Variants in CYP3A43 observed in about 807,000 individuals in gnomAD.
The protein encoded by CYP3A43 is cytochrome P450 3A43.
Under a neutral mutation model 58.0 loss-of-function variants are expected in CYP3A43, and 45 were observed. That is an observed-to-expected ratio of 0.78 (90% CI 0.61 to 0.99). The LOEUF (loss-of-function observed/expected upper bound fraction) is 0.99. Ranked by LOEUF, CYP3A43 falls within the 50% of genes least tolerant of loss-of-function variation. CYP3A43 has a pLI of 0.00. For missense variants in CYP3A43, 593 were observed against 591.9 expected, an observed-to-expected ratio of 1.00 and a Z score of -0.02; for synonymous variants, 191 against 201.4, an observed-to-expected ratio of 0.95 and a Z score of 0.44.
intron 1 of CYP3A43, among the ~76,000 whole-genome samples, chr7:99,829,695 C>G (rs1816767038): frequency 6.6e-6 from 1 of 152,196 alleles, no homozygotes; most frequent in Non-Finnish European, 1.5e-5. Flanking sequence ...AAATGATTAA[C>G]TTTTGGTCTC....
At chr7:99,839,598 T>G (rs1258524860) in intron 3 of CYP3A43, among the ~76,000 whole-genome samples, 1 of 152,164 alleles carries the variant, frequency 6.6e-6, no homozygotes, top group East Asian at 1.9e-4. Flanking sequence ...ACCCGAGGTT[T>G]GTTGTCCCAC....
rs1817609385 is a variant in CYP3A43 at position 99,848,146 on chromosome 7, T to TG, written c.433-17dup. 1 of 1,612,920 alleles carries TG rather than the reference T, an allele frequency of 6.2e-7. No individual in the cohort carries two copies. Among genetic ancestry groups the TG allele is most frequent in the African/African-American group, 1.3e-5 (1 of 74,908 alleles). The stretch of plus-strand genomic sequence containing the variant: ...AGACTCGAGTCTGCGTAGTTAACTA[T>TG]GGGTGGTGTTGTGTTTTAGATGGTC... On this transcript the variant is annotated intron_variant, in intron 5 of 12. Transcript: ENST00000354829.
chr7:99,863,385 G>A (rs762474562), intron 11 of CYP3A43, 152 bp from the exon 12 acceptor site: 6 of 445,146 alleles, frequency 1.3e-5, no homozygotes, highest in Admixed American at 4.2e-5. Flanking sequence ...TTGTATAGCC[G>A]GCCAGGTGTG....
At chr7:99,833,951 T>A (rs796726641) in intron 1 of CYP3A43, among the ~76,000 whole-genome samples, 2 of 152,186 alleles carry the variant, frequency 1.3e-5, no homozygotes, top group African/African-American at 2.4e-5. Context: ...ATCCTCCAAA[T>A]AAGGAATCCA....
At chr7:99,842,258 T>C (rs1232858236) in intron 3 of CYP3A43, among the ~76,000 whole-genome samples, 3 of 152,200 alleles carry the variant, frequency 2.0e-5, no homozygotes, top group African/African-American at 7.2e-5. Flanking sequence ...TGCCAATCTA[T>C]GCTTTTAAAT....
chr7:99,846,948 G>A (rs545400), intron 4 of CYP3A43, among the ~76,000 whole-genome samples: 29,604 of 152,050 alleles, frequency 0.19, 5,829 homozygotes, highest in African/African-American at 0.51. Flanking sequence ...AAAGAAAGGG[G>A]CTTTTCATGT....
intron 2 of CYP3A43, among the ~76,000 whole-genome samples, chr7:99,837,318 CAAA>C (rs35566033): frequency 3.0e-5 from 2 of 66,714 alleles, no homozygotes; most frequent in Admixed American, 1.7e-4. Context: ...GACTGTGTCT[CAAA>C]AAAAAAAAAA....
intron 2 of CYP3A43, 118 bp from the exon 3 acceptor site, chr7:99,839,002 T>G: frequency 8.4e-7 from 1 of 1,189,238 alleles, no homozygotes; most frequent in East Asian, 2.4e-5. Context: ...TAACTGCCAG[T>G]AAATGGTAGC....
At chr7:99,833,682 C>CT (rs2151589096) in intron 1 of CYP3A43, among the ~76,000 whole-genome samples, 1 of 152,256 alleles carries the variant, frequency 6.6e-6, no homozygotes, top group African/African-American at 2.4e-5. Flanking sequence ...CCCTTTGGTG[C>CT]TTTTTACAAC....
chr7:99,848,011 C>CA lies in CYP3A43; in HGVS notation c.433-147dup, dbSNP rs199513832. 2.8e-3 allele frequency: 2,096 copies of CA among 740,822 alleles called. 32 individuals carry two copies. The highest frequency in any genetic ancestry group is 0.028 in the African/African-American group (1,548 of 56,102). The allele number at this position is 740,822 out of a possible 1,614,324, so 45.9% of individuals were successfully genotyped here. The stretch of plus-strand genomic sequence containing the variant: ...GGGCAACAAGAGCGAAACTCTGTCT[C>CA]AAAAAAAAGGGGCAGGGGGCGGTCT... On this transcript the variant is annotated intron_variant, in intron 5 of 12. Transcript: ENST00000354829.
chr7:99,838,227 T>C (rs112335796), intron 2 of CYP3A43, among the ~76,000 whole-genome samples: 78 of 152,342 alleles, frequency 5.1e-4, no homozygotes, highest in Non-Finnish European at 9.3e-4. Context: ...GCTGGAAAAC[T>C]GGAAAGTGAG....
chr7:99,851,210 TG>T (rs1817749449), intron 7 of CYP3A43, among the ~76,000 whole-genome samples: 1 of 152,216 alleles, frequency 6.6e-6, no homozygotes, highest in African/African-American at 2.4e-5. Context: ...TCATAGTTGA[TG>T]GACATTTGTG....
chr7:99,837,809 G>C (rs529072834), intron 2 of CYP3A43, among the ~76,000 whole-genome samples: 53 of 152,286 alleles, frequency 3.5e-4, no homozygotes, highest in African/African-American at 1.3e-3. Flanking sequence ...GCTCCACCAA[G>C]GGCCTGGGGC....
At chr7:99,862,933 T>C (rs1360274014) in intron 11 of CYP3A43, among the ~76,000 whole-genome samples, 2 of 152,166 alleles carry the variant, frequency 1.3e-5, no homozygotes, top group African/African-American at 2.4e-5. Flanking sequence ...AGACCACTCA[T>C]TGTACTTCTC....
chr7:99,833,258 C>T (rs947998610), intron 1 of CYP3A43, among the ~76,000 whole-genome samples: 1 of 152,074 alleles, frequency 6.6e-6, no homozygotes, highest in Non-Finnish European at 1.5e-5. Flanking sequence ...CCAGCCCAGT[C>T]GGATTAACAT....
chr7:99,836,647 T>A, intron 2 of CYP3A43, 101 bp downstream of exon 2: 1 of 844,684 alleles, frequency 1.2e-6, no homozygotes, highest in Non-Finnish European at 1.8e-6. Context: ...TTTCCAATGT[T>A]TTACACTTTC....
At chr7:99,864,518 G>A (rs1275415896) in intron 12 of CYP3A43, among the ~76,000 whole-genome samples, 2 of 148,680 alleles carry the variant, frequency 1.3e-5, no homozygotes, top group Non-Finnish European at 2.9e-5. Context: ...CTTCTGCTTT[G>A]TTACTGTTTA....
rs1817673834 is a variant in CYP3A43 at position 99,849,694 on chromosome 7, T to C, written c.670T>C (p.Ser224Pro). 1 of 1,592,292 alleles carries C rather than the reference T, an allele frequency of 6.3e-7. No individual in the cohort carries two copies. The highest frequency in any genetic ancestry group is 1.4e-5 in the African/African-American group (1 of 71,394). ...DFLDPFLLLI[S>P]LFPFLTPVFE... The stretch of plus-strand genomic sequence containing the variant: ...TTTGGATCCCTTTTTACTCTTAATA[T>C]GTATGTGGACTTTTATGTTATTTCT... The change falls in exon 7 of 13, where the codon TCA becomes CCA. Residue 224 changes from serine (S) to proline (P), a missense_variant and splice_region_variant. Ser to Pro is a moderately conservative substitution (Grantham distance 74). Coordinates refer to ENST00000354829, the MANE Select transcript of CYP3A43 (RefSeq NM_057095.3).
chr7:99,839,747 CAGG>C (rs1002740919), intron 3 of CYP3A43, among the ~76,000 whole-genome samples: 1 of 152,130 alleles, frequency 6.6e-6, no homozygotes, highest in African/African-American at 2.4e-5. Flanking sequence ...CGGTAAAGTG[CAGG>C]AGGTTTTATA....
Sources: allele counts gnomAD v4.1 joint callset (sites outside exome capture counted in the v4.1 genomes callset), GRCh38; gene constraint gnomAD v4.1.1; transcripts MANE v1.5; gene names NCBI Gene and HGNC (gene_info 2026-07-23, HGNC 2026-07-21).